DLG2: variants seen among roughly 807,000 people sequenced by gnomAD.
DLG2 encodes disks large homolog 2.
In DLG2, 45 loss-of-function variants were observed where a neutral mutation model predicts 132.5. That is an observed-to-expected ratio of 0.34 (90% CI 0.27 to 0.44). The LOEUF is 0.44. Ranked by LOEUF, DLG2 falls within the 20% of genes least tolerant of loss-of-function variation. DLG2 has a pLI of 1.00. For missense variants in DLG2, 1,045 were observed against 1,196.9 expected, an observed-to-expected ratio of 0.87 and a Z score of 1.87; for synonymous variants, 424 against 419.6, an observed-to-expected ratio of 1.01 and a Z score of -0.13.
chr11:84,044,204 CT>C (rs2096181874), intron 11 of DLG2, among the ~76,000 whole-genome samples: 1 of 151,744 alleles, frequency 6.6e-6, no homozygotes, highest in Admixed American at 6.6e-5. Flanking sequence ...TATAGGGTTT[CT>C]TAAAAGGACT....
intron 18 of DLG2, among the ~76,000 whole-genome samples, chr11:83,638,622 A>G (rs1315545633): frequency 6.6e-6 from 1 of 152,062 alleles, no homozygotes; most frequent in Non-Finnish European, 1.5e-5. Flanking sequence ...GCCCCCTGTT[A>G]CGGCCTCCCT....
chr11:84,965,547 T>C (rs2053201117), intron 6 of DLG2, among the ~76,000 whole-genome samples: 1 of 152,104 alleles, frequency 6.6e-6, no homozygotes, highest in Admixed American at 6.6e-5. Flanking sequence ...AAAGAATTTA[T>C]AAAATTAACT....
At chr11:83,636,321 A>G (rs969940607) in intron 18 of DLG2, among the ~76,000 whole-genome samples, 3 of 152,146 alleles carry the variant, frequency 2.0e-5, no homozygotes, top group African/African-American at 7.2e-5. Flanking sequence ...CCTTTTCCTA[A>G]CATAGTGTCT....
chr11:85,045,962 A>C (rs1258731175), intron 6 of DLG2, among the ~76,000 whole-genome samples: 1 of 152,080 alleles, frequency 6.6e-6, no homozygotes, highest in Non-Finnish European at 1.5e-5. Flanking sequence ...GAATCAAATG[A>C]TGCCAGTGAA....
intron 6 of DLG2, among the ~76,000 whole-genome samples, chr11:85,102,708 CA>C (rs1439784371): frequency 1.3e-5 from 2 of 151,938 alleles, no homozygotes; most frequent in African/African-American, 4.8e-5. Flanking sequence ...GAATACTTTC[CA>C]TCTAAAGTCA....
At chr11:83,694,428 T>A (rs561908701) in intron 18 of DLG2, among the ~76,000 whole-genome samples, 1 of 152,148 alleles carries the variant, frequency 6.6e-6, no homozygotes, top group South Asian at 2.1e-4. Context: ...TGATTCACAG[T>A]CATTCATGGA....
At chr11:85,566,720 T>A (rs1190155705) in intron 3 of DLG2, among the ~76,000 whole-genome samples, 1 of 152,116 alleles carries the variant, frequency 6.6e-6, no homozygotes, top group Non-Finnish European at 1.5e-5. Context: ...GATTTTAAAA[T>A]GTGAATTTTG....
chr11:85,430,581 A>G (rs1245909397), intron 3 of DLG2, among the ~76,000 whole-genome samples: 4 of 152,178 alleles, frequency 2.6e-5, no homozygotes, highest in African/African-American at 9.7e-5. Flanking sequence ...CTAAAATGTG[A>G]GAAGTAAAAA....
intron 15 of DLG2, among the ~76,000 whole-genome samples, chr11:83,903,475 T>G (rs2073995433): frequency 6.6e-6 from 1 of 152,162 alleles, no homozygotes; most frequent in African/African-American, 2.4e-5. Flanking sequence ...TAGTATTAAT[T>G]GATTCTCAGT....
chr11:84,457,094 T>G (rs1047174905), intron 7 of DLG2, among the ~76,000 whole-genome samples: 1 of 151,226 alleles, frequency 6.6e-6, no homozygotes, highest in African/African-American at 2.4e-5. Flanking sequence ...TCTGAGTTTA[T>G]TAACAGGTAT....
chr11:84,650,818 A>G (rs1324703165), intron 6 of DLG2, among the ~76,000 whole-genome samples: 3 of 144,816 alleles, frequency 2.1e-5, no homozygotes, highest in Non-Finnish European at 4.6e-5. Context: ...GGATTTTACC[A>G]TAACAGAAAA....
In DLG2 at chr11:85,194,536, G is replaced by A. The variant is rs2080882357; in HGVS notation, c.187-39885C>T. 3.3e-5 allele frequency among the ~76,000 whole-genome samples: 5 copies of A among 152,046 alleles called. No homozygotes were observed. In the South Asian group the frequency reaches 1.0e-3, roughly 32 times the overall value. Reference sequence around the variant, plus strand: ...TGAATATAAAGATACAAAGGGCCCAGAAGTCTCAGAGAGTAGAATTTCATA... The same window carrying A: ...TGAATATAAAGATACAAAGGGCCCAAAAGTCTCAGAGAGTAGAATTTCATA... On this transcript the variant is annotated intron_variant, in intron 4 of 27. Transcript: ENST00000376104.
At chr11:85,210,051 A>T (rs561183693) in intron 4 of DLG2, among the ~76,000 whole-genome samples, 1 of 151,978 alleles carries the variant, frequency 6.6e-6, no homozygotes, top group Non-Finnish European at 1.5e-5. Context: ...CCCACTCACC[A>T]TTTCATATCC....
intron 6 of DLG2, among the ~76,000 whole-genome samples, chr11:84,570,641 TCCACC>T (rs934879250): frequency 2.0e-5 from 3 of 152,138 alleles, no homozygotes; most frequent in African/African-American, 4.8e-5. Context: ...AGACCTAAAA[TCCACC>T]CCTTGTCAAC....
At position 84,304,419 on chromosome 11, in the gene DLG2, A is replaced by C. The variant is rs1225856962; in HGVS notation, c.520-53128T>G. On this transcript the variant is annotated intron_variant, in intron 7 of 27. Coordinates refer to ENST00000376104, the MANE Select transcript of DLG2 (RefSeq NM_001142699.3). ...AAGGATTAAAGAGGAAGATGTGCTTAATCCAGACTTTTTAAAAAATGGATA... is the reference window on the plus strand; with the variant it reads ...AAGGATTAAAGAGGAAGATGTGCTTCATCCAGACTTTTTAAAAAATGGATA... Among the ~76,000 whole-genome samples the C allele has an allele frequency of 2.0e-5, 3 of 152,362 alleles. No individual in the cohort carries two copies. In the East Asian group the frequency reaches 5.8e-4, roughly 29 times the overall value.
chr11:84,339,136 G>A (rs1567335188), intron 7 of DLG2, among the ~76,000 whole-genome samples: 1 of 152,102 alleles, frequency 6.6e-6, no homozygotes. Context: ...CACTGTTTCA[G>A]CTATTACTTA....
chr11:83,675,582 A>G (rs1264657583), intron 18 of DLG2, among the ~76,000 whole-genome samples: 2 of 152,184 alleles, frequency 1.3e-5, no homozygotes, highest in Non-Finnish European at 2.9e-5. Context: ...ATTGACTCCA[A>G]ATCTGTATCC....
intron 6 of DLG2, among the ~76,000 whole-genome samples, chr11:85,103,203 TC>T (rs567276006): frequency 1.5e-4 from 23 of 151,964 alleles, no homozygotes; most frequent in Admixed American, 1.2e-3. Context: ...ATGTACAGAG[TC>T]AATGAAATCT....
At chr11:85,012,677 T>C (rs1414779548) in intron 6 of DLG2, among the ~76,000 whole-genome samples, 1 of 152,126 alleles carries the variant, frequency 6.6e-6, no homozygotes, top group East Asian at 1.9e-4. Flanking sequence ...GCTTTTGGGG[T>C]TACTGTTATG....
Sources: allele counts gnomAD v4.1 joint callset (sites outside exome capture counted in the v4.1 genomes callset), GRCh38; gene constraint gnomAD v4.1.1; transcripts MANE v1.5; gene names NCBI Gene and HGNC (gene_info 2026-07-23, HGNC 2026-07-21).